The following SIPA1L2 variants were observed in gnomAD, a reference collection of about 807,000 sequenced individuals.
The protein encoded by SIPA1L2 is signal induced proliferation associated 1 like 2.
A neutral mutation model predicts 163.9 loss-of-function variants in SIPA1L2; 56 were observed. That is an observed-to-expected ratio of 0.34 (90% confidence interval 0.28 to 0.43). The LOEUF (loss-of-function observed/expected upper bound fraction) is 0.43. Among genes scored for constraint, SIPA1L2 ranks in the 20% least tolerant of loss-of-function variants. The probability of loss-of-function intolerance (pLI) is 1.00; values close to 1 mark genes in which losing one functional copy is unlikely to be tolerated. For synonymous variants in SIPA1L2, 877 were observed against 865.7 expected, an observed-to-expected ratio of 1.01 and a Z score of -0.23; for missense variants, 1,974 against 2,193.5, an observed-to-expected ratio of 0.90 and a Z score of 2.00.
intron 1 of SIPA1L2, among the ~76,000 whole-genome samples, chr1:232,581,212 T>TC (rs1032544855): frequency 6.6e-6 from 1 of 152,158 alleles, no homozygotes; most frequent in Non-Finnish European, 1.5e-5. Flanking sequence ...TGTCATGCTG[T>TC]CCCCTGAGCT....
intron 2 of SIPA1L2, among the ~76,000 whole-genome samples, chr1:232,551,307 T>C (rs976072111): frequency 3.3e-5 from 5 of 152,266 alleles, no homozygotes; most frequent in Middle Eastern, 3.4e-3. Context: ...CAGCTCTTTC[T>C]CCATCTGTAA....
At chr1:232,540,637 G>A (rs1657597168) in intron 2 of SIPA1L2, among the ~76,000 whole-genome samples, 1 of 151,988 alleles carries the variant, frequency 6.6e-6, no homozygotes, top group Non-Finnish European at 1.5e-5. Flanking sequence ...TAGAATGGAA[G>A]GAAAGGGAGA....
intron 10 of SIPA1L2, among the ~76,000 whole-genome samples, chr1:232,454,471 T>A (rs1186210446): frequency 6.6e-6 from 1 of 152,248 alleles, no homozygotes; most frequent in African/African-American, 2.4e-5. Context: ...AATCAACTGC[T>A]TTGTTTCTTA....
At chr1:232,579,613 T>C (rs1389301128) in intron 1 of SIPA1L2, among the ~76,000 whole-genome samples, 4 of 152,188 alleles carry the variant, frequency 2.6e-5, no homozygotes, top group East Asian at 3.8e-4. Flanking sequence ...AAACCACCAA[T>C]GGTTCTCTAT....
intron 2 of SIPA1L2, among the ~76,000 whole-genome samples, chr1:232,534,091 G>GA (rs199652815): frequency 0.024 from 3,708 of 151,372 alleles, 144 homozygotes; most frequent in South Asian, 0.082. Flanking sequence ...AAACAATCTT[G>GA]AAAAAAAAGA....
intron 1 of SIPA1L2, among the ~76,000 whole-genome samples, chr1:232,620,123 T>G (rs1165852982): frequency 6.6e-6 from 1 of 152,170 alleles, no homozygotes; most frequent in Non-Finnish European, 1.5e-5. Flanking sequence ...GAACTCATGA[T>G]CCGCCCGCCT....
At chr1:232,592,206 A>T (rs1472617402) in intron 1 of SIPA1L2, among the ~76,000 whole-genome samples, 1 of 152,262 alleles carries the variant, frequency 6.6e-6, no homozygotes, top group East Asian at 1.9e-4. Flanking sequence ...AAGCAAGAGG[A>T]ATATTTAGCA....
At position 232,462,378 on chromosome 1, in the gene SIPA1L2, C is replaced by T. The variant is rs572029340; in HGVS notation, c.2821-1217G>A. On this transcript the variant is annotated intron_variant, in intron 9 of 22. Coordinates refer to ENST00000674635, the MANE Select transcript of SIPA1L2 (RefSeq NM_020808.5). ...TCCATTTCTATGAAACATGCTCTGACTACATAGATACCTATTTAATAAGAC... is the reference window on the plus strand; with the variant it reads ...TCCATTTCTATGAAACATGCTCTGATTACATAGATACCTATTTAATAAGAC... 2.5e-4 allele frequency: 371 copies of T among 1,494,942 alleles called. 2 individuals are homozygous for T. The highest frequency in any genetic ancestry group is 1.8e-5 in the Non-Finnish European group (20 of 1,126,088). 92.6% of individuals were successfully genotyped at this position (1,494,942 alleles called of 1,614,324 possible). A position where few individuals can be genotyped will look rare whatever the true frequency, so the allele number is the denominator to read the frequency against.
At chr1:232,441,960 G>A (rs923038711) in intron 12 of SIPA1L2, 92 bp from the exon 13 acceptor site, 42 of 1,056,510 alleles carry the variant, frequency 4.0e-5, no homozygotes, top group East Asian at 1.0e-4. Flanking sequence ...TAGGCTATGC[G>A]AGGGAAAGCC....
At chr1:232,524,154 T>C (rs761292852) in intron 2 of SIPA1L2, among the ~76,000 whole-genome samples, 27 of 152,222 alleles carry the variant, frequency 1.8e-4, no homozygotes, top group Non-Finnish European at 3.4e-4. Context: ...ATCAACGTAT[T>C]CAGTTCTACC....
chr1:232,410,448 A>G (rs1660882579), intron 19 of SIPA1L2, among the ~76,000 whole-genome samples: 1 of 152,116 alleles, frequency 6.6e-6, no homozygotes, highest in East Asian at 1.9e-4. Flanking sequence ...TCATACTAAT[A>G]TTAAAGACTG....
chr1:232,509,286 C>G (rs1666874543), intron 3 of SIPA1L2, among the ~76,000 whole-genome samples: 1 of 152,152 alleles, frequency 6.6e-6, no homozygotes, highest in African/African-American at 2.4e-5. Context: ...CATTAACTAC[C>G]CAATAAAGAA....
At chr1:232,507,675 C>T (rs914282608) in intron 3 of SIPA1L2, among the ~76,000 whole-genome samples, 2 of 152,222 alleles carry the variant, frequency 1.3e-5, no homozygotes, top group African/African-American at 4.8e-5. Flanking sequence ...TATTACTGTG[C>T]TTCTATCAAG....
chr1:232,487,525 C>G (rs1362754111), intron 5 of SIPA1L2, among the ~76,000 whole-genome samples: 1 of 152,114 alleles, frequency 6.6e-6, no homozygotes, highest in Non-Finnish European at 1.5e-5. Context: ...TCATAATATT[C>G]TAAGATAGTG....
At chr1:232,578,774 T>C (rs1660214061) in intron 1 of SIPA1L2, among the ~76,000 whole-genome samples, 1 of 152,226 alleles carries the variant, frequency 6.6e-6, no homozygotes, top group Non-Finnish European at 1.5e-5. Context: ...TGTTCCACTC[T>C]TTTAACTGAC....
At position 232,514,741 on chromosome 1, in the gene SIPA1L2, C is replaced by T. The variant is rs771721070; in HGVS notation, c.599G>A (p.Arg200Lys). 6.2e-7 allele frequency: 1 copy of T among 1,614,192 alleles called. No individual in the cohort carries two copies. Among genetic ancestry groups the T allele is most frequent in the Admixed American group, 1.7e-5 (1 of 60,034 alleles). Residue 200 changes from arginine (R) to lysine (K), a missense_variant, in exon 3 of 23, where the codon AGG becomes AAG. By Grantham distance (26) the Arg-to-Lys change is conservative (BLOSUM62 2). Transcript: ENST00000674635. ...REYGSTSSID[R>K]QGLSGENFFA... ...AAAGTTTTCACCAGATAAGCCTTGC[C>T]TGTCGATGGATGAAGTACTTCCATA... is the stretch of plus-strand genomic sequence containing the variant.
chr1:232,608,047 CAAAAAAA>C lies in SIPA1L2; in HGVS notation c.-319+21815_-319+21821del, dbSNP rs56208215. Reference sequence around the variant, plus strand: ...GGGCAACAAGAGCGAAACTCCATCTCAAAAAAAAAAAAAAAAAAAAAACGAGTCTTAC... The same window carrying C: ...GGGCAACAAGAGCGAAACTCCATCTCAAAAAAAAAAAAAAACGAGTCTTAC... On this transcript the variant is annotated intron_variant, in intron 1 of 22. Transcript: ENST00000674635. Among the ~76,000 whole-genome samples the C allele has an allele frequency of 4.1e-4, 28 of 67,502 alleles. No individual in the cohort carries two copies. In the South Asian group the frequency reaches 5.3e-3, roughly 13 times the overall value. 44.3% of individuals were successfully genotyped at this position (67,502 alleles called of 152,430 possible). A position where few individuals can be genotyped will look rare whatever the true frequency, so the allele number is the denominator to read the frequency against.
chr1:232,611,574 CAA>C (rs1167357691), intron 1 of SIPA1L2, among the ~76,000 whole-genome samples: 2 of 152,112 alleles, frequency 1.3e-5, no homozygotes, highest in Non-Finnish European at 2.9e-5. Context: ...TATGTTTCAG[CAA>C]AGAGACTAGT....
intron 5 of SIPA1L2, among the ~76,000 whole-genome samples, chr1:232,485,645 T>G (rs1226095710): frequency 6.6e-6 from 1 of 152,212 alleles, no homozygotes; most frequent in Non-Finnish European, 1.5e-5. Context: ...GAAACTATTA[T>G]GATCACCAAT....
Sources: allele counts gnomAD v4.1 joint callset (sites outside exome capture counted in the v4.1 genomes callset), GRCh38; gene constraint gnomAD v4.1.1; transcripts MANE v1.5; gene names NCBI Gene and HGNC (gene_info 2026-07-23, HGNC 2026-07-21).